TMC7: variants seen among roughly 807,000 people sequenced by gnomAD.
TMC7 encodes transmembrane channel-like protein 7.
Under a neutral mutation model 82.9 loss-of-function variants are expected in TMC7, and 54 were observed. The ratio of observed to expected loss-of-function variants is 0.65; its 90% CI spans 0.52 to 0.82. The LOEUF (loss-of-function observed/expected upper bound fraction) is 0.82, where lower values mean the gene tolerates loss of function less well. Among genes scored for constraint, TMC7 ranks in the 40% least tolerant of loss-of-function variants. The probability of loss-of-function intolerance (pLI) is 0.00; values close to 1 mark genes in which losing one functional copy is unlikely to be tolerated. For synonymous variants in TMC7, 350 were observed against 337.9 expected (o/e 1.04, Z -0.39); for missense variants, 820 against 901.2 (o/e 0.91, Z 1.15).
At chr16:18,992,242 A>T (rs945537600) in intron 1 of TMC7, among the ~76,000 whole-genome samples, 3 of 152,142 alleles carry the variant, frequency 2.0e-5, no homozygotes, top group Admixed American at 6.6e-5. Flanking sequence ...ATTTCTCCAC[A>T]TCCTCTCCAG....
intron 15 of TMC7, 132 bp downstream of exon 15, chr16:19,059,626 C>T (rs1242077589): frequency 1.3e-6 from 2 of 1,582,086 alleles, no homozygotes; most frequent in East Asian, 2.3e-5. Context: ...CAAAACTCTG[C>T]CTTGAGGCCC....
At chr16:19,031,339 G>A (rs559880014) in intron 6 of TMC7, among the ~76,000 whole-genome samples, 3 of 152,292 alleles carry the variant, frequency 2.0e-5, no homozygotes, top group Admixed American at 1.3e-4. Flanking sequence ...AGCACTGTGC[G>A]AGCACTTCAG....
At chr16:19,019,175 A>G (rs1318184275) in intron 3 of TMC7, among the ~76,000 whole-genome samples, 1 of 152,116 alleles carries the variant, frequency 6.6e-6, no homozygotes, top group Non-Finnish European at 1.5e-5. Flanking sequence ...ACAGCAAAAC[A>G]TTTTTCAAAC....
chr16:19,047,552 G>A (rs1367514525), intron 12 of TMC7, among the ~76,000 whole-genome samples: 1 of 151,208 alleles, frequency 6.6e-6, no homozygotes, highest in African/African-American at 2.4e-5. Flanking sequence ...GCCTGCCACT[G>A]CGCCTGGCTA....
intron 1 of TMC7, among the ~76,000 whole-genome samples, chr16:18,992,718 T>A (rs2038974053): frequency 6.6e-6 from 1 of 152,240 alleles, no homozygotes; most frequent in Admixed American, 6.5e-5. Flanking sequence ...TTCTAGGGTT[T>A]TTATGGTTTT....
At chr16:19,028,270 A>C (rs927702110) in intron 5 of TMC7, among the ~76,000 whole-genome samples, 1 of 152,106 alleles carries the variant, frequency 6.6e-6, no homozygotes, top group African/African-American at 2.4e-5. Flanking sequence ...ACAGTGGCTC[A>C]AAACCTGTAA....
chr16:19,048,105 A>G (rs1961370324), intron 12 of TMC7, among the ~76,000 whole-genome samples: 1 of 151,274 alleles, frequency 6.6e-6, no homozygotes, highest in Non-Finnish European at 1.5e-5. Context: ...TTTGGAGCCA[A>G]TGCATTTTTT....
intron 2 of TMC7, among the ~76,000 whole-genome samples, chr16:19,012,657 C>T (rs1236514001): frequency 1.3e-5 from 2 of 151,226 alleles, no homozygotes; most frequent in Admixed American, 1.3e-4. Context: ...GGTGTGGTGG[C>T]GGTTGCCTGT....
intron 9 of TMC7, among the ~76,000 whole-genome samples, chr16:19,043,601 G>C (rs984037323): frequency 3.2e-4 from 48 of 151,886 alleles, no homozygotes; most frequent in Admixed American, 2.3e-3. Context: ...ATGGAGTTTC[G>C]CTCTTGTTGT....
chr16:19,038,513 G>T (rs1322482810), intron 8 of TMC7, among the ~76,000 whole-genome samples: 2 of 151,460 alleles, frequency 1.3e-5, no homozygotes, highest in African/African-American at 2.4e-5. Flanking sequence ...ACTTTTAAGA[G>T]AACTTTTTTG....
chr16:19,011,868 A>G (rs1021720074), intron 2 of TMC7, among the ~76,000 whole-genome samples: 1 of 152,184 alleles, frequency 6.6e-6, no homozygotes, highest in Non-Finnish European at 1.5e-5. Flanking sequence ...TTTAGCTGGC[A>G]CAGTGGCTTA....
intron 8 of TMC7, among the ~76,000 whole-genome samples, chr16:19,039,702 T>C (rs1238597713): frequency 6.6e-6 from 1 of 152,194 alleles, no homozygotes; most frequent in Non-Finnish European, 1.5e-5. Flanking sequence ...CCCTTGAAGA[T>C]ACTTTAAATT....
intron 4 of TMC7, among the ~76,000 whole-genome samples, chr16:19,022,119 C>A (rs1960008086): frequency 6.6e-6 from 1 of 152,104 alleles, no homozygotes; most frequent in Non-Finnish European, 1.5e-5. Context: ...CATTGATAGT[C>A]ACACATACAA....
chr16:19,054,119 A>G (rs79308959), intron 13 of TMC7, among the ~76,000 whole-genome samples: 6,460 of 152,248 alleles, frequency 0.042, 188 homozygotes, highest in South Asian at 0.12. Flanking sequence ...AAGGGCTGCA[A>G]TGGAAAGTCT....
At position 19,012,788 on chromosome 16, in the gene TMC7, C is replaced by CAAAAA. The variant is rs139163132; in HGVS notation, c.311+3399_311+3403dup. On this transcript the variant is annotated intron_variant, in intron 2 of 15. Coordinates refer to ENST00000304381, the MANE Select transcript of TMC7 (RefSeq NM_024847.4). Reference sequence around the variant, plus strand: ...TGGGCGACAGAGTGAGATTCCATCTCAAAAAAAAAAAAAAAAAAAAAAAAA... The same window carrying CAAAAA: ...TGGGCGACAGAGTGAGATTCCATCTCAAAAAAAAAAAAAAAAAAAAAAAAAAAAAA... 8.1e-4 allele frequency among the ~76,000 whole-genome samples: 54 copies of CAAAAA among 66,636 alleles called. 1 individual carries two copies. The highest frequency in any genetic ancestry group is 3.1e-3 in the African/African-American group (44 of 14,272). The allele number at this position is 66,636 out of a possible 152,430, so 43.7% of individuals were successfully genotyped here.
intron 1 of TMC7, among the ~76,000 whole-genome samples, chr16:18,988,732 CT>C (rs1458380509): frequency 6.6e-6 from 1 of 152,162 alleles, no homozygotes; most frequent in African/African-American, 2.4e-5. Flanking sequence ...TGTGCCTATA[CT>C]TTCTGGAGAT....
At chr16:19,040,591 A>G in intron 9 of TMC7, 145 bp downstream of exon 9, 1 of 672,434 alleles carries the variant, frequency 1.5e-6, no homozygotes, top group South Asian at 1.9e-5. Flanking sequence ...AGCCCCCATG[A>G]ATGAATCAGA....
intron 8 of TMC7, among the ~76,000 whole-genome samples, 179 bp from the exon 9 acceptor site, chr16:19,040,110 C>G (rs1960939573): frequency 1.5e-5 from 1 of 68,752 alleles, no homozygotes; most frequent in East Asian, 5.1e-4. Flanking sequence ...AAGGAGACTC[C>G]ATCTCAAAAA....
chr16:18,990,510 G>C (rs867194017), intron 1 of TMC7, among the ~76,000 whole-genome samples: 1 of 152,144 alleles, frequency 6.6e-6, no homozygotes, highest in Non-Finnish European at 1.5e-5. Flanking sequence ...GGCCAGGCTC[G>C]TCTCGAACTC....
Sources: allele counts gnomAD v4.1 joint callset (sites outside exome capture counted in the v4.1 genomes callset), GRCh38; gene constraint gnomAD v4.1.1; transcripts MANE v1.5; gene names NCBI Gene and HGNC (gene_info 2026-07-23, HGNC 2026-07-21).